FAM234B: variants seen among roughly 807,000 people sequenced by gnomAD.
FAM234B encodes the protein family with sequence similarity 234 member B.
In FAM234B, 33 loss-of-function variants were observed where a neutral mutation model predicts 69.3. The observed-to-expected ratio is 0.48, with a 90% CI of 0.36 to 0.64. FAM234B has a LOEUF of 0.64. Ranked by LOEUF, FAM234B falls within the 30% of genes least tolerant of loss-of-function variation. FAM234B has a pLI of 0.00. For synonymous variants in FAM234B, 306 were observed against 306.9 expected (o/e 1.00, Z 0.03); for missense variants, 697 against 769.7 (o/e 0.91, Z 1.12).
intron 1 of FAM234B, among the ~76,000 whole-genome samples, chr12:13,045,810 G>A (rs1030120117): frequency 2.6e-5 from 4 of 151,090 alleles, no homozygotes; most frequent in African/African-American, 7.3e-5. Flanking sequence ...GTAATAAGAT[G>A]TCAGACATTT....
chr12:13,062,815 A>T, intron 4 of FAM234B, 30 bp from the exon 5 acceptor site: 1 of 1,611,076 alleles, frequency 6.2e-7, no homozygotes, highest in Non-Finnish European at 8.5e-7. Flanking sequence ...AGAAGTTGTC[A>T]TAGTGACCAG....
intron 1 of FAM234B, among the ~76,000 whole-genome samples, chr12:13,053,071 T>C (rs923194141): frequency 2.0e-5 from 3 of 152,224 alleles, no homozygotes; most frequent in South Asian, 2.1e-4. Flanking sequence ...ATTCTGAAAG[T>C]ACTATTTTGA....
rs1158718720 is a variant in FAM234B at position 13,076,086 on chromosome 12, T to G, written c.1585T>G (p.Phe529Val). ...CCACCTTTACCTCCTGCATCCTGCGTTCCCCTCCATCCTTCTGGATCTGGC... is the reference window on the plus strand; with the variant it reads ...CCACCTTTACCTCCTGCATCCTGCGGTCCCCTCCATCCTTCTGGATCTGGC... ...LHHLYLLHPA[F>V]PSILLDLANT... The change falls in exon 11 of 13, where the codon TTC (phenylalanine) becomes GTC (valine). Residue 529 changes from phenylalanine (F) to valine (V), a missense_variant. Physicochemically the swap from Phe to Val is conservative, Grantham distance 50. This residue lies in a region of FAM234B where 313 missense variants were observed against 305.5 expected (regional missense o/e 1.02). Coordinates refer to ENST00000197268, the MANE Select transcript of FAM234B (RefSeq NM_020853.2). The G allele has an allele frequency of 6.2e-7, 1 of 1,614,178 alleles. No homozygotes were observed. The highest frequency in any genetic ancestry group is 1.7e-5 in the Admixed American group (1 of 60,022).
intron 2 of FAM234B, among the ~76,000 whole-genome samples, chr12:13,056,582 G>A (rs1461668291): frequency 1.3e-5 from 2 of 152,128 alleles, no homozygotes; most frequent in East Asian, 1.9e-4. Flanking sequence ...CAGACCCCTG[G>A]CATCCTCTTG....
chr12:13,075,078 T>C (rs1865145056), intron 10 of FAM234B, among the ~76,000 whole-genome samples: 2 of 152,210 alleles, frequency 1.3e-5, no homozygotes. Context: ...GTCATACTGA[T>C]AAAGATAGTC....
In FAM234B at chr12:13,082,828, G is replaced by A. The variant is rs762702576; in HGVS notation, c.*2198G>A. ...TGGGATTGTTTGGGCAGAGGACTGT[G>A]TTTATGCAGGGCAAATCCCAGAAAG... On this transcript the variant is annotated 3_prime_UTR_variant, in exon 13 of 13. Coordinates refer to ENST00000197268, the MANE Select transcript of FAM234B (RefSeq NM_020853.2). The A allele has an allele frequency of 2.0e-5, 3 of 152,150 alleles. No homozygotes were observed. Among genetic ancestry groups the A allele is most frequent in the Non-Finnish European group, 4.4e-5 (3 of 68,020 alleles). The allele number at this position is 152,150 out of a possible 1,614,324, so 9.4% of individuals were successfully genotyped here.
intron 11 of FAM234B, among the ~76,000 whole-genome samples, chr12:13,078,387 G>A (rs568513014): frequency 5.3e-4 from 81 of 152,144 alleles, no homozygotes; most frequent in Non-Finnish European, 9.8e-4. Flanking sequence ...TCTTTCTAGG[G>A]TTTTTATGGT....
In FAM234B at chr12:13,058,467, A is replaced by G. The variant is rs1254381236; in HGVS notation, c.450A>G (p.Pro150=). Residue 150 remains proline (P), a synonymous_variant, in exon 3 of 13, where the codon CCA becomes CCG. Transcript: ENST00000197268. ...GTATAACAGGTGGGGACCTGTCTCC[A>G]TTGGAATTGGCTGATGTGAATGGAG... ...LGSQGGGDLS[P]LELADVNGDG... The G allele has an allele frequency of 6.2e-7, 1 of 1,613,704 alleles. No individual in the cohort carries two copies. Among genetic ancestry groups the G allele is most frequent in the Non-Finnish European group, 8.5e-7 (1 of 1,179,814 alleles).
At chr12:13,056,495 C>T (rs549707240) in intron 2 of FAM234B, among the ~76,000 whole-genome samples, 1 of 152,222 alleles carries the variant, frequency 6.6e-6, no homozygotes, top group Admixed American at 6.5e-5. Flanking sequence ...TCTTTAAAAC[C>T]TCTTGCTCTG....
chr12:13,058,444 A>G lies in FAM234B; in HGVS notation c.434-7A>G, dbSNP rs1206164190. On this transcript the variant is annotated splice_polypyrimidine_tract_variant and splice_region_variant and intron_variant, in intron 2 of 12. Coordinates refer to ENST00000197268, the MANE Select transcript of FAM234B (RefSeq NM_020853.2). Reference sequence around the variant, plus strand: ...AGGACCTTTTTGGTTTTTTATGTGTATAACAGGTGGGGACCTGTCTCCATT... The same window carrying G: ...AGGACCTTTTTGGTTTTTTATGTGTGTAACAGGTGGGGACCTGTCTCCATT... 1 of 1,613,062 alleles carries G rather than the reference A, an allele frequency of 6.2e-7. No homozygotes were observed. Among genetic ancestry groups the G allele is most frequent in the Non-Finnish European group, 8.5e-7 (1 of 1,179,050 alleles).
At chr12:13,054,898 C>T (rs1864912477) in intron 1 of FAM234B, among the ~76,000 whole-genome samples, 1 of 152,228 alleles carries the variant, frequency 6.6e-6, no homozygotes, top group African/African-American at 2.4e-5. Flanking sequence ...ATCACCACCC[C>T]TCCCAGAATA....
chr12:13,058,712 A>G (rs779341281), intron 3 of FAM234B, among the ~76,000 whole-genome samples, 163 bp downstream of exon 3: 2 of 152,196 alleles, frequency 1.3e-5, no homozygotes, highest in Non-Finnish European at 2.9e-5. Flanking sequence ...GCTTCCACAT[A>G]TAAATAAAGC....
chr12:13,066,137 A>C (rs1214682994), intron 5 of FAM234B, among the ~76,000 whole-genome samples: 1 of 152,242 alleles, frequency 6.6e-6, no homozygotes, highest in Non-Finnish European at 1.5e-5. Flanking sequence ...TAGCTGGCAA[A>C]GGCTAAAATA....
At position 13,081,968 on chromosome 12, in the gene FAM234B, T is replaced by C. The variant is rs1865235956; in HGVS notation, c.*1338T>C. ...TTGTATCTTTTTTTTTTTTTTTTTT[T>C]TTTTTTTGAGACAGAGTTTTGCTCT... On this transcript the variant is annotated 3_prime_UTR_variant, in exon 13 of 13. Transcript: ENST00000197268. 2.1e-5 allele frequency: 3 copies of C among 146,320 alleles called. No individual in the cohort carries two copies. Among genetic ancestry groups the C allele is most frequent in the Admixed American group, 6.8e-5 (1 of 14,606 alleles). The allele number at this position is 146,320 out of a possible 1,614,324, so 9.1% of individuals were successfully genotyped here.
intron 1 of FAM234B, among the ~76,000 whole-genome samples, chr12:13,047,155 C>T (rs1443538139): frequency 6.6e-6 from 1 of 152,204 alleles, no homozygotes; most frequent in Non-Finnish European, 1.5e-5. Flanking sequence ...AGAGCAGTTT[C>T]GCTAAGCTCA....
At chr12:13,063,978 T>G (rs1402673497) in intron 5 of FAM234B, among the ~76,000 whole-genome samples, 1 of 152,200 alleles carries the variant, frequency 6.6e-6, no homozygotes, top group Non-Finnish European at 1.5e-5. Flanking sequence ...AGTTGTAAAT[T>G]CTGGAGGTGA....
chr12:13,056,330 C>T (rs1428477628), intron 2 of FAM234B, among the ~76,000 whole-genome samples: 1 of 152,212 alleles, frequency 6.6e-6, no homozygotes, highest in Non-Finnish European at 1.5e-5. Flanking sequence ...AACCCTTTGA[C>T]ATTCTTTGAT....
intron 1 of FAM234B, among the ~76,000 whole-genome samples, chr12:13,045,235 T>TC (rs1160410662): frequency 6.7e-6 from 1 of 148,342 alleles, no homozygotes; most frequent in Non-Finnish European, 1.5e-5. Flanking sequence ...TTTTTTTTTT[T>TC]CCTCCTAAAC....
chr12:13,080,497 T>C (rs1341732884), intron 12 of FAM234B, 128 bp from the exon 13 acceptor site: 1 of 708,116 alleles, frequency 1.4e-6, no homozygotes, highest in Admixed American at 2.6e-5. Context: ...AGGAAATGTT[T>C]ACAGACTATT....
Sources: allele counts gnomAD v4.1 joint callset (sites outside exome capture counted in the v4.1 genomes callset), GRCh38; gene constraint gnomAD v4.1.1; regional missense constraint gnomAD v4.1.1; transcripts MANE v1.5; gene names NCBI Gene and HGNC (gene_info 2026-07-23, HGNC 2026-07-21).